Variants in ADD2 observed in about 807,000 individuals in gnomAD.
The protein encoded by ADD2 is adducin 2, also known as beta-adducin.
A neutral mutation model predicts 83.0 loss-of-function variants in ADD2; 23 were observed. The ratio of observed to expected loss-of-function variants is 0.28; its 90% CI spans 0.20 to 0.39. ADD2 has a LOEUF of 0.39. ADD2 is among the 10% of genes least tolerant of loss of function. The pLI is 1.00. For missense variants in ADD2, 758 were observed against 944.9 expected, an observed-to-expected ratio of 0.80 and a Z score of 2.59; for synonymous variants, 375 against 375.4, an observed-to-expected ratio of 1.00 and a Z score of 0.01.
At chr2:70,682,451 G>C (rs1374669697) in intron 10 of ADD2, among the ~76,000 whole-genome samples, 1 of 152,090 alleles carries the variant, frequency 6.6e-6, no homozygotes, top group African/African-American at 2.4e-5. Flanking sequence ...TGGTCAGCCT[G>C]GTAACAAAGT....
chr2:70,682,396 T>C, intron 10 of ADD2, among the ~76,000 whole-genome samples: 1 of 152,190 alleles, frequency 6.6e-6, no homozygotes, highest in East Asian at 1.9e-4. Context: ...GGGAGTTGCA[T>C]TTTCACTGTG....
At chr2:70,696,161 C>A (rs976445367) in intron 5 of ADD2, 84 bp downstream of exon 5, 1 of 1,521,022 alleles carries the variant, frequency 6.6e-7, no homozygotes, top group Non-Finnish European at 8.9e-7. Context: ...AGTGCCATGG[C>A]CATGCCAAGG....
chr2:70,742,644 T>C (rs1228315361), intron 1 of ADD2, among the ~76,000 whole-genome samples: 1 of 152,116 alleles, frequency 6.6e-6, no homozygotes, highest in East Asian at 1.9e-4. Flanking sequence ...CAACAGTGAA[T>C]GAAATAAGAG....
intron 9 of ADD2, among the ~76,000 whole-genome samples, chr2:70,685,682 A>C (rs948323817): frequency 7.9e-5 from 12 of 152,186 alleles, no homozygotes; most frequent in African/African-American, 2.9e-4. Context: ...TTAGTGTATC[A>C]CCTGGTACAT....
rs782156041 is a variant in ADD2 at position 70,688,005 on chromosome 2, T to G, written c.948+19A>C. The G allele has an allele frequency of 1.0e-4, 163 of 1,607,454 alleles. 3 individuals are homozygous for G. In the Admixed American group the frequency reaches 2.7e-3, roughly 26 times the overall value. ...TCAGAGCCCACTCCTGGGCCCACTT[T>G]CCAGGAGAATTTGCTCACCTGTATC... On this transcript the variant is annotated intron_variant, in intron 9 of 15. Transcript: ENST00000264436.
At chr2:70,696,577 A>G (rs1469558303) in intron 4 of ADD2, among the ~76,000 whole-genome samples, 181 bp from the exon 5 acceptor site, 7 of 152,194 alleles carry the variant, frequency 4.6e-5, no homozygotes, top group South Asian at 2.1e-4. Flanking sequence ...TCTGTGCCCA[A>G]TAAAGTCTGC....
chr2:70,738,209 A>G (rs1310720368), intron 1 of ADD2, among the ~76,000 whole-genome samples: 5 of 152,246 alleles, frequency 3.3e-5, no homozygotes, highest in Non-Finnish European at 7.3e-5. Context: ...AAGAAATTCC[A>G]GTTCAGGATG....
At chr2:70,738,470 G>T (rs1295968370) in intron 1 of ADD2, among the ~76,000 whole-genome samples, 1 of 152,204 alleles carries the variant, frequency 6.6e-6, no homozygotes, top group Non-Finnish European at 1.5e-5. Context: ...TCAGCTGAAA[G>T]ATAAAGCTTT....
At chr2:70,718,688 A>C (rs189928037) in intron 1 of ADD2, among the ~76,000 whole-genome samples, 1 of 152,200 alleles carries the variant, frequency 6.6e-6, no homozygotes, top group East Asian at 1.9e-4. Context: ...AGGACCCAGC[A>C]TCCTGGTTTT....
chr2:70,767,593 G>A, intron 1 of ADD2: 2 of 1,237,302 alleles, frequency 1.6e-6, no homozygotes, highest in Non-Finnish European at 2.0e-6. Flanking sequence ...GGACCCAAAA[G>A]AAAGCCCCAC....
intron 1 of ADD2, 61 bp downstream of exon 1, chr2:70,767,825 C>G (rs1324545445): frequency 2.0e-6 from 3 of 1,530,244 alleles, no homozygotes; most frequent in African/African-American, 2.7e-5. Flanking sequence ...ATGCCAGGGT[C>G]TCCGCGCCAG....
intron 1 of ADD2, among the ~76,000 whole-genome samples, chr2:70,737,233 C>A (rs1553380327): frequency 6.6e-6 from 1 of 151,992 alleles, no homozygotes. Flanking sequence ...GGGTATATAC[C>A]CAAAGGATTA....
chr2:70,668,842 C>T (rs1428263716), intron 15 of ADD2, among the ~76,000 whole-genome samples: 2 of 152,222 alleles, frequency 1.3e-5, no homozygotes, highest in East Asian at 3.8e-4. Flanking sequence ...CCTCTCTTTG[C>T]AGCAGGGAAG....
intron 1 of ADD2, among the ~76,000 whole-genome samples, chr2:70,737,948 T>C (rs1673672864): frequency 6.6e-6 from 1 of 152,108 alleles, no homozygotes; most frequent in South Asian, 2.1e-4. Flanking sequence ...CCCCCTTTTA[T>C]AGAAAAGGAA....
Position 70,676,040 on chromosome 2 carries a change from T to C in ADD2, c.1593+756A>G. On this transcript the variant is annotated intron_variant, in intron 13 of 15. Transcript: ENST00000264436. This position sits in a 1 kb window ranked among gnomAD's most constrained non-coding sequence, Gnocchi z 4.8. ...GCCAATGGGCACCCACCCTGTGGGC[T>C]GCAGTCTTGACCTGAAATCATTGCA... is the stretch of plus-strand genomic sequence containing the variant. 7.1e-6 allele frequency: 7 copies of C among 985,470 alleles called. No individual in the cohort carries two copies. The highest frequency in any genetic ancestry group is 8.4e-6 in the Non-Finnish European group (7 of 829,938). The allele number at this position is 985,470 out of a possible 1,614,324, so 61.0% of individuals were successfully genotyped here. A position where few individuals can be genotyped will look rare whatever the true frequency, so the allele number is the denominator to read the frequency against.
rs1478726031 is a variant in ADD2 at position 70,724,361 on chromosome 2, A to G, written c.-153-11177T>C. Among the ~76,000 whole-genome samples the G allele has an allele frequency of 2.6e-5, 4 of 152,146 alleles. No homozygotes were observed. The East Asian group carries it at 7.7e-4, about 29-fold the overall frequency. ...CATTGCAGTACCTCTGTCATAAGAA[A>G]TGTTCCTCCTGCATTTCTGGGTAGC... On this transcript the variant is annotated intron_variant, in intron 1 of 15. Transcript: ENST00000264436.
chr2:70,687,945 C>G, intron 9 of ADD2, 79 bp downstream of exon 9: 1 of 1,068,986 alleles, frequency 9.4e-7, no homozygotes. Flanking sequence ...TGAATCACAG[C>G]CAACAGGGTC....
chr2:70,699,282 T>C (rs979810947), intron 4 of ADD2, among the ~76,000 whole-genome samples: 2 of 152,122 alleles, frequency 1.3e-5, no homozygotes, highest in African/African-American at 4.8e-5. Context: ...TCACTGATTA[T>C]GGGGAAAGTT....
intron 10 of ADD2, among the ~76,000 whole-genome samples, chr2:70,681,910 G>A (rs1553369626): frequency 6.6e-6 from 1 of 152,032 alleles, no homozygotes; most frequent in Non-Finnish European, 1.5e-5. Flanking sequence ...TAGAGATAGG[G>A]TCTTGCTATG....
Sources: allele counts gnomAD v4.1 joint callset (sites outside exome capture counted in the v4.1 genomes callset), GRCh38; gene constraint gnomAD v4.1.1; non-coding constraint Gnocchi (gnomAD v3.1); transcripts MANE v1.5; gene names NCBI Gene and HGNC (gene_info 2026-07-23, HGNC 2026-07-21).